RHOA: variants seen among roughly 807,000 people sequenced by gnomAD.
RHOA encodes transforming protein RhoA.
RHOA carries 3 observed loss-of-function variants against 17.5 expected under a neutral mutation model. That is an observed-to-expected ratio of 0.17 (90% confidence interval 0.08 to 0.44). The LOEUF is 0.44. Among genes scored for constraint, RHOA ranks in the 20% least tolerant of loss-of-function variants. The pLI is 0.99. For synonymous variants in RHOA, 98 were observed against 88.4 expected (o/e 1.11, Z -0.61); for missense variants, 56 against 242.3 (o/e 0.23, Z 5.10).
chr3:49,377,855 G>T (rs1345787986), intron 1 of RHOA, among the ~76,000 whole-genome samples: 1 of 151,666 alleles, frequency 6.6e-6, no homozygotes, highest in Non-Finnish European at 1.5e-5. Context: ...AAATCATAAA[G>T]AACTCTTTTT....
chr3:49,390,074 C>T (rs999766369), intron 1 of RHOA, among the ~76,000 whole-genome samples: 6 of 152,006 alleles, frequency 3.9e-5, no homozygotes, highest in Non-Finnish European at 8.8e-5. Flanking sequence ...GGCGGGTCCC[C>T]GTCCATCTAT....
intron 1 of RHOA, among the ~76,000 whole-genome samples, chr3:49,384,509 TTTTAA>T (rs1244340776): frequency 6.6e-6 from 1 of 151,752 alleles, no homozygotes; most frequent in African/African-American, 2.4e-5. Context: ...CTTTTACAAC[TTTTAA>T]TTTTTTTTTT....
chr3:49,388,240 C>CA (rs2048433851), intron 1 of RHOA, among the ~76,000 whole-genome samples: 1 of 151,926 alleles, frequency 6.6e-6, no homozygotes, highest in South Asian at 2.1e-4. Flanking sequence ...AGGCTGGTCT[C>CA]AAACTCCTGG....
chr3:49,378,830 A>G (rs2048273809), intron 1 of RHOA, among the ~76,000 whole-genome samples: 1 of 152,248 alleles, frequency 6.6e-6, no homozygotes, highest in Non-Finnish European at 1.5e-5. Context: ...TCCTGGGCTC[A>G]TGCAATCCTC....
chr3:49,375,126 G>A (rs6809216), intron 2 of RHOA, among the ~76,000 whole-genome samples: 45,119 of 151,866 alleles, frequency 0.3, 7,173 homozygotes, highest in Middle Eastern at 0.32. Flanking sequence ...CAGCATGGTG[G>A]CAACATGCCT....
intron 1 of RHOA, among the ~76,000 whole-genome samples, chr3:49,385,524 C>T (rs2048382716): frequency 6.6e-6 from 1 of 151,980 alleles, no homozygotes; most frequent in African/African-American, 2.4e-5. Context: ...CCCCCATTGC[C>T]CATTTTTAAA....
chr3:49,375,127 C>G (rs1175972390), intron 2 of RHOA, among the ~76,000 whole-genome samples: 1 of 151,786 alleles, frequency 6.6e-6, no homozygotes, highest in Non-Finnish European at 1.5e-5. Flanking sequence ...AGCATGGTGG[C>G]AACATGCCTG....
intron 1 of RHOA, among the ~76,000 whole-genome samples, chr3:49,389,658 G>A (rs753703721): frequency 3.3e-5 from 5 of 152,016 alleles, no homozygotes; most frequent in Non-Finnish European, 5.9e-5. Context: ...AAAAGTTACA[G>A]AAGCCGGGCG....
At chr3:49,391,024 C>A (rs1418744977) in intron 1 of RHOA, among the ~76,000 whole-genome samples, 2 of 151,880 alleles carry the variant, frequency 1.3e-5, no homozygotes, top group African/African-American at 4.8e-5. Context: ...CGAGACCACC[C>A]TGGCTAACAC....
intron 1 of RHOA, among the ~76,000 whole-genome samples, chr3:49,404,619 A>C (rs2048789511): frequency 7.0e-6 from 1 of 143,832 alleles, no homozygotes; most frequent in Non-Finnish European, 1.5e-5. Flanking sequence ...CTCAAAAAAA[A>C]AAAAAAAAAA....
At chr3:49,376,491 T>C (rs2107852134) in intron 1 of RHOA, among the ~76,000 whole-genome samples, 1 of 148,724 alleles carries the variant, frequency 6.7e-6, no homozygotes, top group South Asian at 2.2e-4. Context: ...AAAATACAAA[T>C]AACTAGCCGG....
chr3:49,400,047 T>C (rs1208600235), intron 1 of RHOA, among the ~76,000 whole-genome samples: 1 of 151,326 alleles, frequency 6.6e-6, no homozygotes, highest in Non-Finnish European at 1.5e-5. Flanking sequence ...CCGTCTCTAC[T>C]AAAAATACAA....
At position 49,387,143 on chromosome 3, in the gene RHOA, A is replaced by C. The variant is rs868561106; in HGVS notation, c.-2-11552T>G. 9.9e-3 allele frequency among the ~76,000 whole-genome samples: 1,281 copies of C among 129,528 alleles called. 6 individuals are homozygous for C. Among genetic ancestry groups the C allele is most frequent in the Non-Finnish European group, 0.016 (1,022 of 61,996 alleles). 85.0% of individuals were successfully genotyped at this position (129,528 alleles called of 152,430 possible). ...AAAAAAAAAAAAAAAAAAAAAAAAA[A>C]AAAAAAAAAAAAAAAAACAGGCCGG... On this transcript the variant is annotated intron_variant, in intron 1 of 4. Coordinates refer to ENST00000418115, the MANE Select transcript of RHOA (RefSeq NM_001664.4).
intron 1 of RHOA, among the ~76,000 whole-genome samples, chr3:49,398,042 CAGTCAAA>C (rs2048647550): frequency 6.6e-6 from 1 of 152,164 alleles, no homozygotes. Flanking sequence ...TCGCTACATT[CAGTCAAA>C]AGCACAGAAT....
chr3:49,387,073 C>T lies in RHOA; in HGVS notation c.-2-11482G>A, dbSNP rs535207313. 3.3e-3 allele frequency among the ~76,000 whole-genome samples: 363 copies of T among 111,444 alleles called. 2 individuals carry two copies. Among genetic ancestry groups the T allele is most frequent in the African/African-American group, 0.012 (351 of 28,672 alleles). The allele number at this position is 111,444 out of a possible 152,430, so 73.1% of individuals were successfully genotyped here. ...CGGAGGTTGCAGTGAGCCGAGATCA[C>T]GCCATTCCACTCCAGCCTGGGCAAC... is the stretch of plus-strand genomic sequence containing the variant. On this transcript the variant is annotated intron_variant, in intron 1 of 4. Transcript: ENST00000418115.
At chr3:49,408,575 A>G (rs1031852750) in intron 1 of RHOA, among the ~76,000 whole-genome samples, 3 of 152,208 alleles carry the variant, frequency 2.0e-5, no homozygotes, top group Non-Finnish European at 2.9e-5. Flanking sequence ...TCCACAGATT[A>G]AAGATGAGGG....
chr3:49,391,583 G>A (rs2048507978), intron 1 of RHOA, among the ~76,000 whole-genome samples: 1 of 151,880 alleles, frequency 6.6e-6, no homozygotes, highest in Non-Finnish European at 1.5e-5. Context: ...CGCTCTTGTT[G>A]CCCAGGCTGG....
intron 1 of RHOA, among the ~76,000 whole-genome samples, chr3:49,387,420 G>A (rs1179071170): frequency 6.8e-6 from 1 of 146,422 alleles, no homozygotes; most frequent in Non-Finnish European, 1.5e-5. Flanking sequence ...CTCCAGCCTA[G>A]GTGACAGAGC....
At chr3:49,380,093 CA>C (rs1559504209) in intron 1 of RHOA, among the ~76,000 whole-genome samples, 1 of 152,166 alleles carries the variant, frequency 6.6e-6, no homozygotes, top group East Asian at 1.9e-4. Context: ...TGAGAATCAG[CA>C]GTATGTTGTG....
Sources: allele counts gnomAD v4.1 joint callset (sites outside exome capture counted in the v4.1 genomes callset), GRCh38; gene constraint gnomAD v4.1.1; transcripts MANE v1.5; gene names NCBI Gene and HGNC (gene_info 2026-07-23, HGNC 2026-07-21).